Variants in GRM1 observed in about 807,000 individuals in gnomAD.
The protein encoded by GRM1 is glutamate metabotropic receptor 1.
In GRM1, 33 loss-of-function variants were observed where a neutral mutation model predicts 90.9. The ratio of observed to expected loss-of-function variants is 0.36; its 90% CI spans 0.28 to 0.49. The LOEUF is 0.49. GRM1 is among the 20% of genes least tolerant of loss of function. The pLI is 0.99. For missense variants in GRM1, 1,190 were observed against 1,534.3 expected (o/e 0.78, Z 3.75); for synonymous variants, 700 against 613.2 (o/e 1.14, Z -2.09).
chr6:146,383,723 A>G (rs752727665), intron 5 of GRM1, among the ~76,000 whole-genome samples: 46 of 152,120 alleles, frequency 3.0e-4, no homozygotes, highest in Non-Finnish European at 4.1e-4. Flanking sequence ...TTTTATTTTT[A>G]TGAAGGCTAG....
chr6:146,109,295 T>A (rs1364990668), intron 1 of GRM1, among the ~76,000 whole-genome samples: 4 of 152,150 alleles, frequency 2.6e-5, no homozygotes, highest in Non-Finnish European at 1.5e-5. Context: ...GAGTGCAGTC[T>A]AGGGACTTGA....
chr6:146,432,835 G>T (rs538092303), intron 7 of GRM1, among the ~76,000 whole-genome samples: 91 of 152,316 alleles, frequency 6.0e-4, no homozygotes, highest in Non-Finnish European at 8.5e-4. Context: ...AGAATTTGGG[G>T]TGTAGGCCAC....
Position 146,398,763 on chromosome 6 carries a change from T to A in GRM1, c.1730-6T>A, listed in dbSNP as rs1460606876. On this transcript the variant is annotated splice_region_variant and splice_polypyrimidine_tract_variant and intron_variant, in intron 6 of 7. Transcript: ENST00000282753. ...ATTCATGCTCAAATGATTTTTCTCA[T>A]CACAGGCTGTGAGCCCATTCCTGTG... 3.8e-6 allele frequency: 6 copies of A among 1,598,078 alleles called. No individual in the cohort carries two copies. The East Asian group carries it at 1.3e-4, about 36-fold the overall frequency.
At chr6:146,312,349 CAAAAAAAAAAAA>C (rs1166008558) in intron 3 of GRM1, among the ~76,000 whole-genome samples, 7 of 21,338 alleles carry the variant, frequency 3.3e-4, no homozygotes, top group African/African-American at 8.3e-4. Context: ...AACTCCGTCT[CAAAAAAAAAAAA>C]AAAAAAAAAA....
intron 2 of GRM1, among the ~76,000 whole-genome samples, chr6:146,203,453 G>A (rs1779390876): frequency 6.6e-6 from 1 of 152,136 alleles, no homozygotes; most frequent in Non-Finnish European, 1.5e-5. Context: ...CATGCAAAGT[G>A]AGGCACATCT....
At chr6:146,277,845 G>GA (rs1448926904) in intron 2 of GRM1, among the ~76,000 whole-genome samples, 2 of 152,070 alleles carry the variant, frequency 1.3e-5, no homozygotes, top group Non-Finnish European at 2.9e-5. Context: ...TATCACTTAA[G>GA]AAAGCTTTCC....
intron 1 of GRM1, among the ~76,000 whole-genome samples, chr6:146,139,433 G>T (rs552206167): frequency 1.3e-5 from 2 of 152,186 alleles, no homozygotes; most frequent in South Asian, 2.1e-4. Flanking sequence ...AGTTATTATT[G>T]TACTGGAATC....
At chr6:146,084,167 A>AT (rs578202765) in intron 1 of GRM1, among the ~76,000 whole-genome samples, 6 of 149,008 alleles carry the variant, frequency 4.0e-5, no homozygotes, top group Admixed American at 6.7e-5. Context: ...TATTTTGTCA[A>AT]TTTTTTTTCA....
chr6:146,231,839 A>C (rs965809141), intron 2 of GRM1, among the ~76,000 whole-genome samples: 1 of 150,734 alleles, frequency 6.6e-6, no homozygotes, highest in Admixed American at 6.6e-5. Flanking sequence ...GAGGTTTTAC[A>C]TCTATATTCA....
intron 1 of GRM1, among the ~76,000 whole-genome samples, chr6:146,045,749 CAAAAAAAAAAA>C (rs58055832): frequency 3.4e-5 from 3 of 87,400 alleles, no homozygotes; most frequent in Admixed American, 1.5e-4. Context: ...TGGAATACAG[CAAAAAAAAAAA>C]AAAAAAAAAA....
At chr6:146,219,423 T>C (rs1205632513) in intron 2 of GRM1, among the ~76,000 whole-genome samples, 2 of 151,806 alleles carry the variant, frequency 1.3e-5, no homozygotes, top group Non-Finnish European at 2.9e-5. Context: ...AAATGAAGAA[T>C]GAATGAAATA....
At chr6:146,138,089 G>A (rs556518189) in intron 1 of GRM1, among the ~76,000 whole-genome samples, 1 of 151,994 alleles carries the variant, frequency 6.6e-6, no homozygotes, top group South Asian at 2.1e-4. Flanking sequence ...ATATAGGATT[G>A]CATCATCTGC....
At chr6:146,052,152 A>T (rs1269918072) in intron 1 of GRM1, among the ~76,000 whole-genome samples, 2 of 152,074 alleles carry the variant, frequency 1.3e-5, no homozygotes, top group Non-Finnish European at 2.9e-5. Context: ...CTGTGAGGAA[A>T]ACATGTTCTT....
intron 2 of GRM1, among the ~76,000 whole-genome samples, chr6:146,227,203 A>G (rs1780272091): frequency 6.6e-6 from 1 of 152,078 alleles, no homozygotes; most frequent in South Asian, 2.1e-4. Context: ...TATGTAGTAT[A>G]TAACGTGTGT....
intron 5 of GRM1, among the ~76,000 whole-genome samples, chr6:146,366,740 T>A (rs1311277194): frequency 6.6e-6 from 1 of 152,194 alleles, no homozygotes; most frequent in Non-Finnish European, 1.5e-5. Flanking sequence ...ATTTTTAAAA[T>A]CAGGTTATTT....
At chr6:146,185,922 A>G (rs368262896) in intron 2 of GRM1, among the ~76,000 whole-genome samples, 3 of 151,800 alleles carry the variant, frequency 2.0e-5, no homozygotes, top group African/African-American at 7.3e-5. Flanking sequence ...TACCTTATCC[A>G]CTTAGTGCTA....
chr6:146,114,928 T>C (rs1169977010), intron 1 of GRM1, among the ~76,000 whole-genome samples: 2 of 152,142 alleles, frequency 1.3e-5, no homozygotes, highest in African/African-American at 2.4e-5. Flanking sequence ...ATCATTCCAA[T>C]ACTGTGGATA....
intron 2 of GRM1, among the ~76,000 whole-genome samples, chr6:146,253,078 T>G (rs1286261818): frequency 6.6e-6 from 1 of 152,034 alleles, no homozygotes; most frequent in Admixed American, 6.6e-5. Flanking sequence ...ATTGATAAAT[T>G]GTATGATATT....
chr6:146,303,097 G>T (rs1345639771), intron 2 of GRM1, among the ~76,000 whole-genome samples: 1 of 152,150 alleles, frequency 6.6e-6, no homozygotes, highest in Non-Finnish European at 1.5e-5. Context: ...TGTTGAAAAT[G>T]CAGCTCATGT....
Sources: gnomAD v4.1 joint callset for allele counts (sites outside exome capture counted in the v4.1 genomes callset) on GRCh38, gnomAD v4.1.1 for gene constraint, MANE v1.5 for transcripts, NCBI Gene and HGNC (gene_info 2026-07-23, HGNC 2026-07-21) for gene names.